Variants in DPP6 observed in about 807,000 individuals in gnomAD.
The protein encoded by DPP6 is dipeptidyl peptidase like 6.
In DPP6, 69 loss-of-function variants were observed where a neutral mutation model predicts 122.6. The ratio of observed to expected loss-of-function variants is 0.56; its 90% CI spans 0.46 to 0.69. The LOEUF (loss-of-function observed/expected upper bound fraction) is 0.69. Ranked by LOEUF, DPP6 falls within the 30% of genes least tolerant of loss-of-function variation. The pLI is 0.00. For missense variants in DPP6, 928 were observed against 1,116.9 expected, an observed-to-expected ratio of 0.83 and a Z score of 2.41; for synonymous variants, 418 against 433.1, an observed-to-expected ratio of 0.97 and a Z score of 0.43.
chr7:154,592,382 C>T (rs761131918), intron 5 of DPP6, among the ~76,000 whole-genome samples: 5 of 152,196 alleles, frequency 3.3e-5, no homozygotes, highest in Non-Finnish European at 7.3e-5. Context: ...CCTGCCAATA[C>T]GCATCCGTTT....
intron 8 of DPP6, among the ~76,000 whole-genome samples, chr7:154,740,875 A>T (rs1056701726): frequency 6.6e-6 from 1 of 152,136 alleles, no homozygotes; most frequent in Non-Finnish European, 1.5e-5. Flanking sequence ...CCCCACGTGA[A>T]ACCTATCTGC....
intron 5 of DPP6, among the ~76,000 whole-genome samples, chr7:154,596,937 A>G (rs1344075129): frequency 2.0e-5 from 3 of 152,320 alleles, no homozygotes; most frequent in African/African-American, 7.2e-5. Context: ...GTATTCTCCA[A>G]GTTATTAGCT....
intron 1 of DPP6, among the ~76,000 whole-genome samples, chr7:154,155,729 G>A (rs948365344): frequency 6.6e-6 from 1 of 152,200 alleles, no homozygotes; most frequent in Non-Finnish European, 1.5e-5. Context: ...TTCAGAATGT[G>A]TCTGATCCCT....
chr7:154,481,342 G>GA lies in DPP6; in HGVS notation c.457+6306dup, dbSNP rs1823259998. ...AGCTATACACTTGGAGAGAGAGAGA[G>GA]AGGGGTGTGTGTGTGTGTGTGTGTG... On this transcript the variant is annotated intron_variant, in intron 3 of 25. Coordinates refer to ENST00000377770, the MANE Select transcript of DPP6 (RefSeq NM_130797.4). The surrounding 1 kb of genome is among the most constrained non-coding windows in gnomAD (Gnocchi z 4.2). 1.2e-5 allele frequency among the ~76,000 whole-genome samples: 1 copy of GA among 82,372 alleles called. No homozygotes were observed. The highest frequency in any genetic ancestry group is 2.4e-5 in the Non-Finnish European group (1 of 41,464). The allele number at this position is 82,372 out of a possible 152,430, so 54.0% of individuals were successfully genotyped here. A position where few individuals can be genotyped will look rare whatever the true frequency, so the allele number is the denominator to read the frequency against.
the DPP6 span, among the ~76,000 whole-genome samples, chr7:153,859,259 G>C: frequency 6.6e-6 from 1 of 152,094 alleles, no homozygotes; most frequent in Non-Finnish European, 1.5e-5. Flanking sequence ...TGCAGAAGAG[G>C]CACACTCATT....
chr7:153,825,808 G>A, the DPP6 span, among the ~76,000 whole-genome samples: 12 of 152,030 alleles, frequency 7.9e-5, no homozygotes, highest in Non-Finnish European at 1.6e-4. Context: ...CAGTCTGCCC[G>A]CCTCAACCTC....
At chr7:153,881,316 C>T in the DPP6 span, among the ~76,000 whole-genome samples, 1 of 152,200 alleles carries the variant, frequency 6.6e-6, no homozygotes, top group African/African-American at 2.4e-5. Context: ...TAATGGCCAA[C>T]ATAGCCCTTG....
At position 154,150,890 on chromosome 7, in the gene DPP6, C is replaced by G. The variant is rs150964645; in HGVS notation, c.243+97827C>G. 3.5e-3 allele frequency among the ~76,000 whole-genome samples: 536 copies of G among 152,300 alleles called. 3 individuals carry two copies. The highest frequency in any genetic ancestry group is 0.012 in the African/African-American group (512 of 41,572). On this transcript the variant is annotated intron_variant, in intron 1 of 25. Transcript: ENST00000377770. ...CACTTGGGCCTCTTTGGAGGCTCTT[C>G]CTCCCCACTCTCCTCTTAAAGGCCA...
At chr7:154,426,283 G>A (rs1352863) in intron 1 of DPP6, among the ~76,000 whole-genome samples, 86,098 of 152,076 alleles carry the variant, frequency 0.57, 26,969 homozygotes, top group Admixed American at 0.7. Flanking sequence ...GCTTTTTATT[G>A]TAGTATTGAG....
chr7:154,158,170 C>A (rs1435661064), intron 1 of DPP6, among the ~76,000 whole-genome samples: 2 of 149,536 alleles, frequency 1.3e-5, no homozygotes, highest in East Asian at 1.9e-4. Context: ...ACAAGAGGTA[C>A]AATATTACGT....
chr7:154,055,874 C>T (rs1032190534), intron 1 of DPP6: 7 of 152,246 alleles, frequency 4.6e-5, no homozygotes, highest in African/African-American at 7.2e-5. Context: ...AAGATGATGG[C>T]AAGCAGCATA....
At chr7:154,752,440 C>T (rs999146110) in intron 8 of DPP6, among the ~76,000 whole-genome samples, 1 of 152,124 alleles carries the variant, frequency 6.6e-6, no homozygotes, top group African/African-American at 2.4e-5. Flanking sequence ...AGATGTTGCC[C>T]TGGCTCTCCT....
At chr7:154,581,209 C>G (rs931709283) in intron 5 of DPP6, among the ~76,000 whole-genome samples, 1 of 151,996 alleles carries the variant, frequency 6.6e-6, no homozygotes, top group African/African-American at 2.4e-5. Flanking sequence ...CGGATACAAG[C>G]GAGGGTAGCA....
chr7:154,887,902 G>A (rs1190075677), intron 23 of DPP6, among the ~76,000 whole-genome samples, 168 bp downstream of exon 23: 1 of 152,144 alleles, frequency 6.6e-6, no homozygotes, highest in African/African-American at 2.4e-5. Flanking sequence ...CCACCAGAGA[G>A]TGGATTGAGG....
At chr7:153,825,988 A>G in the DPP6 span, among the ~76,000 whole-genome samples, 1 of 152,206 alleles carries the variant, frequency 6.6e-6, no homozygotes, top group Non-Finnish European at 1.5e-5. Context: ...ATATGTGTAA[A>G]TTGTTAAGCA....
intron 1 of DPP6, among the ~76,000 whole-genome samples, chr7:154,271,434 C>G (rs1803783567): frequency 6.6e-6 from 1 of 152,174 alleles, no homozygotes. Flanking sequence ...TTCCATCATA[C>G]AGAGCAAGGA....
intron 1 of DPP6, among the ~76,000 whole-genome samples, chr7:154,153,796 C>G (rs1337083945): frequency 6.6e-6 from 1 of 152,188 alleles, no homozygotes; most frequent in Non-Finnish European, 1.5e-5. Flanking sequence ...GACTGTGTAC[C>G]AATAAAACTT....
intron 2 of DPP6, among the ~76,000 whole-genome samples, chr7:154,448,109 A>T (rs1415702304): frequency 6.6e-6 from 1 of 152,318 alleles, no homozygotes; most frequent in African/African-American, 2.4e-5. Context: ...AAAAACAAGG[A>T]CAACCAGATA....
chr7:154,053,461 G>A (rs1337883878), intron 1 of DPP6, among the ~76,000 whole-genome samples: 3 of 151,094 alleles, frequency 2.0e-5, no homozygotes, highest in Non-Finnish European at 4.4e-5. Flanking sequence ...CGTGCTCCGG[G>A]AACACAGCCT....
Sources: allele counts gnomAD v4.1 joint callset (sites outside exome capture counted in the v4.1 genomes callset), GRCh38; gene constraint gnomAD v4.1.1; non-coding constraint Gnocchi (gnomAD v3.1); transcripts MANE v1.5; gene names NCBI Gene and HGNC (gene_info 2026-07-23, HGNC 2026-07-21).